The following ARSD variants were observed in gnomAD, a reference collection of about 807,000 sequenced individuals.
ARSD encodes arylsulfatase D, also known as testis tissue sperm-binding protein Li 39a.
Under a neutral mutation model 32.6 loss-of-function variants are expected in ARSD, and 21 were observed. The observed-to-expected ratio is 0.64, with a 90% CI of 0.46 to 0.93. ARSD has a LOEUF of 0.93. Among genes scored for constraint, ARSD ranks in the 40% least tolerant of loss-of-function variants. ARSD has a pLI of 0.00. For missense variants in ARSD, 454 were observed against 520.9 expected (o/e 0.87, Z 1.25); for synonymous variants, 224 against 237.4 (o/e 0.94, Z 0.52).
rs374011265 is a variant in ARSD, at chrX:2,907,398, C to T, written c.1655G>A (p.Arg552Gln). 27 of 1,210,453 alleles carry T rather than the reference C, an allele frequency of 2.2e-5. No individual in the cohort carries two copies. Among genetic ancestry groups the T allele is most frequent in the East Asian group, 3.0e-5 (1 of 33,746 alleles). The change falls in exon 10 of 10, where the codon CGG (arginine) becomes CAG (glutamine). Residue 552 changes from arginine (R) to glutamine (Q), a missense_variant. Arg to Gln is a conservative substitution (Grantham distance 43, BLOSUM62 1). Transcript: ENST00000381154. ...CTGGGGCACAGGACTCAGGGTCTGCCGATGCTCCGACACCGCGGCACCTAC... is the reference window on the plus strand; with the variant it reads ...CTGGGGCACAGGACTCAGGGTCTGCTGATGCTCCGACACCGCGGCACCTAC... ...ARVGAAVSEH[R>Q]QTLSPVPQQF...
chrX:2,924,397 C>T (rs1198467855), intron 2 of ARSD, among the ~76,000 whole-genome samples: 3 of 113,641 alleles, frequency 2.6e-5, no homozygotes, highest in East Asian at 2.8e-4. Flanking sequence ...CCCTGCTCTG[C>T]GGGGACCGCT....
chrX:2,922,164 G>T, intron 2 of ARSD, 140 bp from the exon 3 acceptor site: 2 of 785,109 alleles, frequency 2.5e-6, no homozygotes, highest in Non-Finnish European at 3.5e-6. Flanking sequence ...CTCCTGCAGC[G>T]GTAGATTGAC....
At chrX:2,928,681 G>A (rs1319944116) in intron 1 of ARSD, among the ~76,000 whole-genome samples, 1 of 95,091 alleles carries the variant, frequency 1.1e-5, no homozygotes, top group African/African-American at 4.0e-5. Context: ...CTGGGGGGTT[G>A]GGGGCGGGAC....
intron 6 of ARSD, among the ~76,000 whole-genome samples, chrX:2,911,855 G>C (rs2088905511): frequency 9.0e-6 from 1 of 110,776 alleles, no homozygotes; most frequent in Admixed American, 9.6e-5. Flanking sequence ...CTGAGAGAAG[G>C]CCAGGCACAG....
chrX:2,911,093 C>T (rs918197539), intron 6 of ARSD, among the ~76,000 whole-genome samples: 13 of 112,319 alleles, frequency 1.2e-4, no homozygotes, highest in Admixed American at 4.7e-4. Context: ...TAGGTCAGGC[C>T]GGGCCTGGCG....
chrX:2,918,326 G>A, intron 4 of ARSD, 99 bp from the exon 5 acceptor site: 2 of 879,759 alleles, frequency 2.3e-6, no homozygotes, highest in Non-Finnish European at 3.1e-6. Flanking sequence ...GAAAAGAAAA[G>A]TCTGCAAAGA....
intron 7 of ARSD, 35 bp downstream of exon 7, chrX:2,910,624 C>T (rs769256693): frequency 9.9e-6 from 12 of 1,207,921 alleles, no homozygotes; most frequent in Admixed American, 2.2e-5. Flanking sequence ...GATATTTGGT[C>T]GAATGCATAT....
chrX:2,923,799 C>T lies in ARSD; in HGVS notation c.195-1775G>A, dbSNP rs1328415720. Among the ~76,000 whole-genome samples, 7 of 112,273 alleles carry T rather than the reference C, an allele frequency of 6.2e-5. No individual in the cohort carries two copies. In the South Asian group the frequency reaches 1.1e-3, roughly 18 times the overall value. On this transcript the variant is annotated intron_variant, in intron 2 of 9. Coordinates refer to ENST00000381154, the MANE Select transcript of ARSD (RefSeq NM_001669.4). ...CTGGGGGTCAGGACTTCGACGTAGG[C>T]GTTTAGGGGACACAGATTCGCTCCT...
chrX:2,922,904 A>AAG (rs1280078125), intron 2 of ARSD, among the ~76,000 whole-genome samples: 2 of 101,102 alleles, frequency 2.0e-5, no homozygotes, highest in African/African-American at 8.8e-5. Flanking sequence ...GAAAGAAAGA[A>AAG]AGAAAAGGAG....
intron 2 of ARSD, among the ~76,000 whole-genome samples, chrX:2,922,922 A>C (rs1473051930): frequency 9.2e-6 from 1 of 108,399 alleles, no homozygotes; most frequent in East Asian, 2.9e-4. Context: ...GAGCCAAAAG[A>C]GGTATCCACA....
At chrX:2,910,557 T>C in intron 7 of ARSD, 102 bp downstream of exon 7, 1 of 1,136,241 alleles carries the variant, frequency 8.8e-7, no homozygotes, top group Non-Finnish European at 1.2e-6. Context: ...TGCATTCTTT[T>C]TGAAATGAGC....
chrX:2,918,720 A>G (rs2089000428), intron 4 of ARSD, among the ~76,000 whole-genome samples: 1 of 111,383 alleles, frequency 9.0e-6, no homozygotes, highest in African/African-American at 3.3e-5. Flanking sequence ...AGCCTGGGCG[A>G]CAGAGCCAGA....
At chrX:2,924,867 G>A (rs966550294) in intron 2 of ARSD, among the ~76,000 whole-genome samples, 1 of 111,173 alleles carries the variant, frequency 9.0e-6, no homozygotes. Context: ...AGAGATGCCT[G>A]GAGCCCCCAG....
chrX:2,914,420 G>T lies in ARSD; in HGVS notation c.1000+1136C>A, dbSNP rs79305871. 84 of 175,926 alleles carry T rather than the reference G, an allele frequency of 4.8e-4. 1 individual carries two copies. The highest frequency in any genetic ancestry group is 4.0e-3 in the Admixed American group (11 of 2,757). The allele number at this position is 175,926 out of a possible 1,213,427, so 14.5% of individuals were successfully genotyped here. On this transcript the variant is annotated intron_variant, in intron 6 of 9. Coordinates refer to ENST00000381154, the MANE Select transcript of ARSD (RefSeq NM_001669.4). ...ATTTTTTAAATTTTTTGTAGAGATG[G>T]GGGGGGGGGGCGTCTCACTATGTTG...
At position 2,912,227 on chromosome X, in the gene ARSD, G is replaced by A. The variant is rs183991144; in HGVS notation, c.1001-1434C>T. Among the ~76,000 whole-genome samples the A allele has an allele frequency of 4.6e-3, 515 of 111,924 alleles. 15 individuals are homozygous for A. The highest frequency in any genetic ancestry group is 0.035 in the Admixed American group (366 of 10,531). ...TTCTCTCTGAAGCCTGCTACCTGGA[G>A]GCTTCTTTGGCATTATGAAACCTTG... On this transcript the variant is annotated intron_variant, in intron 6 of 9. Transcript: ENST00000381154.
Position 2,910,769 on chromosome X carries a change from T to G in ARSD, c.1025A>C (p.Asp342Ala), listed in dbSNP as rs765380818. Reference protein sequence around the residue: ...LIGKVLNAIEDNGLKNSTFTY... With the variant: ...LIGKVLNAIEANGLKNSTFTY... ...GAATGTTGAGTTCTTTAAACCATTGTCTTCGATGGCATTAAGAACCTTACC... is the reference window on the plus strand; with the variant it reads ...GAATGTTGAGTTCTTTAAACCATTGGCTTCGATGGCATTAAGAACCTTACC... The change falls in exon 7 of 10, where the codon GAC (aspartate) becomes GCC (alanine). Residue 342 changes from aspartate (D) to alanine (A), a missense_variant. Asp to Ala is a moderately radical substitution (Grantham distance 126, BLOSUM62 -2). Transcript: ENST00000381154. 3.3e-6 allele frequency: 4 copies of G among 1,209,761 alleles called. No individual in the cohort carries two copies. In the African/African-American group the frequency reaches 7.0e-5, roughly 21 times the overall value.
rs2088854274 is a variant in ARSD at position 2,906,708 on chromosome X, G to C, written c.*563C>G. 8.9e-6 allele frequency: 1 copy of C among 112,694 alleles called. No individual in the cohort carries two copies. Among genetic ancestry groups the C allele is most frequent in the African/African-American group, 3.2e-5 (1 of 30,819 alleles). The allele number at this position is 112,694 out of a possible 1,213,427, so 9.3% of individuals were successfully genotyped here. A position where few individuals can be genotyped will look rare whatever the true frequency, so the allele number is the denominator to read the frequency against. ...AATTGCAACAATGCTTTAAGACGGAGGGGTGAAAACATCGGGCATTGGCAC... is the reference window on the plus strand; with the variant it reads ...AATTGCAACAATGCTTTAAGACGGACGGGTGAAAACATCGGGCATTGGCAC... On this transcript the variant is annotated 3_prime_UTR_variant, in exon 10 of 10. Transcript: ENST00000381154.
In ARSD at chrX:2,906,664, TATGTC is replaced by T. The variant is rs1284291692; in HGVS notation, c.*602_*606del. On this transcript the variant is annotated 3_prime_UTR_variant, in exon 10 of 10. Coordinates refer to ENST00000381154, the MANE Select transcript of ARSD (RefSeq NM_001669.4). ...CCTCCCTGTCCTTTTGTAAGGCTGT[TATGTC>T]ATCTAGGTGATGAAATTGCAACAAT... is the stretch of plus-strand genomic sequence containing the variant. The T allele has an allele frequency of 8.9e-6, 1 of 112,475 alleles. No homozygotes were observed. Among genetic ancestry groups the T allele is most frequent in the Non-Finnish European group, 1.9e-5 (1 of 53,487 alleles). 9.3% of individuals were successfully genotyped at this position (112,475 alleles called of 1,213,427 possible). A position where few individuals can be genotyped will look rare whatever the true frequency, so the allele number is the denominator to read the frequency against.
intron 6 of ARSD, chrX:2,913,565 G>C (rs2088921115): frequency 1.0e-6 from 1 of 991,853 alleles, no homozygotes; most frequent in Non-Finnish European, 1.3e-6. Flanking sequence ...GATTCTGCAA[G>C]GATTTTAATA....
Sources: allele counts gnomAD v4.1 joint callset (sites outside exome capture counted in the v4.1 genomes callset), GRCh38; gene constraint gnomAD v4.1.1; transcripts MANE v1.5; gene names NCBI Gene and HGNC (gene_info 2026-07-23, HGNC 2026-07-21).